The following MALT1 variants were observed in gnomAD, a reference collection of about 807,000 sequenced individuals.
The protein encoded by MALT1 is mucosa-associated lymphoid tissue lymphoma translocation protein 1.
MALT1 carries 36 observed loss-of-function variants against 85.5 expected under a neutral mutation model. The observed-to-expected ratio is 0.42, with a 90% CI of 0.32 to 0.56. The LOEUF is 0.56. Among genes scored for constraint, MALT1 ranks in the 20% least tolerant of loss-of-function variants. The pLI, the probability that MALT1 is intolerant of heterozygous loss-of-function variation, is 0.10. For synonymous variants in MALT1, 359 were observed against 361.3 expected (o/e 0.99, Z 0.07); for missense variants, 716 against 981.6 (o/e 0.73, Z 3.62).
intron 2 of MALT1, among the ~76,000 whole-genome samples, chr18:58,689,028 C>T (rs920987859): frequency 6.6e-6 from 1 of 151,932 alleles, no homozygotes; most frequent in African/African-American, 2.4e-5. Flanking sequence ...GATGCACACC[C>T]GTAGACCCAG....
At chr18:58,736,140 T>C (rs2055218110) in intron 13 of MALT1, among the ~76,000 whole-genome samples, 1 of 151,910 alleles carries the variant, frequency 6.6e-6, no homozygotes. Context: ...AAAATAAAAA[T>C]AAAAAAGAAG....
At chr18:58,743,845 A>T (rs1327413521) in intron 14 of MALT1, among the ~76,000 whole-genome samples, 1 of 152,196 alleles carries the variant, frequency 6.6e-6, no homozygotes, top group Non-Finnish European at 1.5e-5. Flanking sequence ...ATTCCATGCA[A>T]ATTGAAAATA....
rs889709491 is a variant in MALT1 at position 58,709,323 on chromosome 18, G to A, written c.650-55G>A. On this transcript the variant is annotated intron_variant, in intron 4 of 16. Coordinates refer to ENST00000649217, the MANE Select transcript of MALT1 (RefSeq NM_006785.4). ...ACTTGACACATCTCTTTAATTATAGGGAAATTTTATTTTTATTTTTAACCT... is the reference window on the plus strand; with the variant it reads ...ACTTGACACATCTCTTTAATTATAGAGAAATTTTATTTTTATTTTTAACCT... 2.7e-5 allele frequency: 33 copies of A among 1,228,222 alleles called. No homozygotes were observed. The East Asian group carries it at 8.1e-4, about 30-fold the overall frequency. The allele number at this position is 1,228,222 out of a possible 1,614,324, so 76.1% of individuals were successfully genotyped here.
intron 5 of MALT1, 92 bp downstream of exon 5, chr18:58,709,648 C>T (rs2054804930): frequency 3.8e-6 from 4 of 1,040,208 alleles, no homozygotes; most frequent in Non-Finnish European, 4.1e-6. Context: ...AACTCATATC[C>T]TTTCAGATGT....
rs984718629 is a variant in MALT1 at position 58,700,453 on chromosome 18, A to T, written c.511A>T (p.Asn171Tyr). 3.1e-6 allele frequency: 5 copies of T among 1,596,398 alleles called. No homozygotes were observed. Among genetic ancestry groups the T allele is most frequent in the Middle Eastern group, 1.7e-4 (1 of 5,904 alleles). The change falls in exon 4 of 17, where the codon AAT becomes TAT. Residue 171 changes from asparagine (N) to tyrosine (Y), a missense_variant. This residue lies in a region of MALT1 where 290 missense variants were observed against 380.5 expected (regional missense o/e 0.76). Transcript: ENST00000649217. Reference protein sequence around the residue: ...FKMNKEIPNGNTSELIFNAVH... With the variant: ...FKMNKEIPNGYTSELIFNAVH... Reference sequence around the variant, plus strand: ...GATTCTTTCACAGATTCCAAATGGAAATACATCAGAGCTTATTTTTAATGC... The same window carrying T: ...GATTCTTTCACAGATTCCAAATGGATATACATCAGAGCTTATTTTTAATGC...
chr18:58,726,542 A>G (rs1184108650), intron 10 of MALT1, among the ~76,000 whole-genome samples: 2 of 152,184 alleles, frequency 1.3e-5, no homozygotes, highest in East Asian at 1.9e-4. Flanking sequence ...GCCCTTTTAT[A>G]TTATATTGCA....
intron 2 of MALT1, among the ~76,000 whole-genome samples, chr18:58,693,314 C>A (rs1426628134): frequency 1.3e-5 from 2 of 152,054 alleles, no homozygotes; most frequent in African/African-American, 2.4e-5. Context: ...CCCAGCCACT[C>A]GGGAGGCTGA....
intron 9 of MALT1, among the ~76,000 whole-genome samples, chr18:58,719,314 T>A (rs975578980): frequency 6.8e-6 from 1 of 146,392 alleles, no homozygotes; most frequent in Non-Finnish European, 1.5e-5. Flanking sequence ...AAAATCTCCC[T>A]CCCTCTCTCT....
intron 1 of MALT1, among the ~76,000 whole-genome samples, chr18:58,679,450 C>T (rs553406418): frequency 1.3e-5 from 2 of 152,350 alleles, no homozygotes; most frequent in Admixed American, 6.5e-5. Flanking sequence ...TAGCTGTGCT[C>T]CAGTGAAACT....
intron 2 of MALT1, among the ~76,000 whole-genome samples, chr18:58,688,064 A>G (rs565193947): frequency 6.6e-6 from 1 of 152,108 alleles, no homozygotes; most frequent in Admixed American, 6.6e-5. Context: ...ACTATACCAT[A>G]TTCTTTTTTT....
At chr18:58,713,942 T>G (rs938665370) in intron 7 of MALT1, 141 bp from the exon 8 acceptor site, 2 of 517,690 alleles carry the variant, frequency 3.9e-6, no homozygotes, top group Non-Finnish European at 7.0e-6. Context: ...TTGCATGGCT[T>G]CTTCATTTAA....
intron 10 of MALT1, among the ~76,000 whole-genome samples, chr18:58,729,596 T>G (rs955431459): frequency 2.6e-5 from 4 of 152,080 alleles, no homozygotes; most frequent in African/African-American, 9.7e-5. Context: ...AATCATTTAA[T>G]CTTTGTAATT....
Position 58,685,375 on chromosome 18 carries a change from G to C in MALT1, c.376+4039G>C, listed in dbSNP as rs116677847. 6.1e-3 allele frequency among the ~76,000 whole-genome samples: 935 copies of C among 152,314 alleles called. 10 individuals are homozygous for C. The highest frequency in any genetic ancestry group is 0.021 in the African/African-American group (886 of 41,570). Reference sequence around the variant, plus strand: ...CTATAGTCTTACGTTGCCATATTCTGTTCCAAGTGACGGTGGAACAACAGT... The same window carrying C: ...CTATAGTCTTACGTTGCCATATTCTCTTCCAAGTGACGGTGGAACAACAGT... On this transcript the variant is annotated intron_variant, in intron 2 of 16. Coordinates refer to ENST00000649217, the MANE Select transcript of MALT1 (RefSeq NM_006785.4).
chr18:58,746,877 A>G (rs529718070), intron 16 of MALT1, among the ~76,000 whole-genome samples: 1 of 152,150 alleles, frequency 6.6e-6, no homozygotes, highest in African/African-American at 2.4e-5. Flanking sequence ...ACAGGCGCAC[A>G]CCACCATGCC....
At chr18:58,690,980 C>T in intron 2 of MALT1, 1 of 285,276 alleles carries the variant, frequency 3.5e-6, no homozygotes, top group Non-Finnish European at 6.9e-6. Flanking sequence ...GTCTCAGATT[C>T]TCAGGCATCC....
At chr18:58,716,939 T>C (rs1043029155) in intron 9 of MALT1, among the ~76,000 whole-genome samples, 5 of 152,234 alleles carry the variant, frequency 3.3e-5, no homozygotes, top group Non-Finnish European at 7.3e-5. Context: ...TTAATCAGAA[T>C]GTTGAAACCT....
chr18:58,713,955 T>G, intron 7 of MALT1, 128 bp from the exon 8 acceptor site: 1 of 535,434 alleles, frequency 1.9e-6, no homozygotes, highest in Non-Finnish European at 3.4e-6. Context: ...TCATTTAATT[T>G]GAAAAGTTGT....
At chr18:58,721,089 T>C (rs752595384) in intron 9 of MALT1, among the ~76,000 whole-genome samples, 3 of 152,104 alleles carry the variant, frequency 2.0e-5, no homozygotes, top group Non-Finnish European at 4.4e-5. Context: ...TTAAAAGAAA[T>C]TTTAAAAAGG....
At position 58,754,413 on chromosome 18, in the gene MALT1, CAGGCT is replaced by C. The variant is rs1190403713; in HGVS notation, c.*6572_*6576del. The stretch of plus-strand genomic sequence containing the variant: ...TGTTGCTACATTATGCTCAATACAG[CAGGCT>C]GTTCTGCTAGGGAAATTGTTAATAT... On this transcript the variant is annotated 3_prime_UTR_variant, in exon 17 of 17. Coordinates refer to ENST00000649217, the MANE Select transcript of MALT1 (RefSeq NM_006785.4). 6.6e-6 allele frequency: 1 copy of C among 152,242 alleles called. No individual in the cohort carries two copies. The highest frequency in any genetic ancestry group is 1.5e-5 in the Non-Finnish European group (1 of 68,048). The allele number at this position is 152,242 out of a possible 1,614,324, so 9.4% of individuals were successfully genotyped here. A position where few individuals can be genotyped will look rare whatever the true frequency, so the allele number is the denominator to read the frequency against.
Sources: gnomAD v4.1 joint callset for allele counts (sites outside exome capture counted in the v4.1 genomes callset) on GRCh38, gnomAD v4.1.1 for gene constraint, gnomAD v4.1.1 regional missense constraint, MANE v1.5 for transcripts, NCBI Gene and HGNC (gene_info 2026-07-23, HGNC 2026-07-21) for gene names.